Variants in KIAA1549L observed in about 807,000 individuals in gnomAD.
The protein encoded by KIAA1549L is UPF0606 protein KIAA1549L.
In KIAA1549L, 88 loss-of-function variants were observed where a neutral mutation model predicts 160.7. That is an observed-to-expected ratio of 0.55 (90% confidence interval 0.46 to 0.65). KIAA1549L has a LOEUF of 0.65. Among genes scored for constraint, KIAA1549L ranks in the 30% least tolerant of loss-of-function variants. The probability of loss-of-function intolerance (pLI) is 0.00; values close to 1 mark genes in which losing one functional copy is unlikely to be tolerated. For missense variants in KIAA1549L, 2,258 were observed against 2,437.5 expected, an observed-to-expected ratio of 0.93 and a Z score of 1.55; for synonymous variants, 950 against 976.7, an observed-to-expected ratio of 0.97 and a Z score of 0.51.
intron 11 of KIAA1549L, among the ~76,000 whole-genome samples, chr11:33,584,976 T>A (rs577345286): frequency 6.6e-6 from 1 of 152,314 alleles, no homozygotes; most frequent in South Asian, 2.1e-4. Context: ...ACGCATGCCT[T>A]AGTTCTTTCT....
intron 16 of KIAA1549L, among the ~76,000 whole-genome samples, chr11:33,639,948 A>C (rs1330150623): frequency 6.6e-6 from 1 of 152,198 alleles, no homozygotes; most frequent in Non-Finnish European, 1.5e-5. Context: ...GGTAGCCTAA[A>C]AACTCCATTT....
chr11:33,664,715 C>T (rs942651219), intron 20 of KIAA1549L, among the ~76,000 whole-genome samples: 1 of 152,172 alleles, frequency 6.6e-6, no homozygotes, highest in African/African-American at 2.4e-5. Context: ...GGGCCCTCAC[C>T]AGATAGATAC....
intron 1 of KIAA1549L, among the ~76,000 whole-genome samples, chr11:33,521,597 A>G (rs149779271): frequency 1.1e-4 from 16 of 152,356 alleles, no homozygotes; most frequent in Middle Eastern, 3.4e-3. Flanking sequence ...TCATGTATAC[A>G]GTAAATACTT....
intron 1 of KIAA1549L, among the ~76,000 whole-genome samples, chr11:33,501,776 C>T (rs1467976092): frequency 6.6e-6 from 1 of 151,988 alleles, no homozygotes; most frequent in Non-Finnish European, 1.5e-5. Flanking sequence ...AGTATCTTAC[C>T]TTTATTGACT....
intron 9 of KIAA1549L, among the ~76,000 whole-genome samples, chr11:33,571,862 G>A (rs1015135996): frequency 1.3e-5 from 2 of 152,168 alleles, no homozygotes; most frequent in Admixed American, 1.3e-4. Flanking sequence ...GGGCAAGGCT[G>A]CATCCTAAAG....
At chr11:33,571,495 G>C (rs891826586) in intron 9 of KIAA1549L, among the ~76,000 whole-genome samples, 2 of 152,154 alleles carry the variant, frequency 1.3e-5, no homozygotes, top group African/African-American at 4.8e-5. Context: ...TCTGCAGGCT[G>C]TACAGGAAGC....
intron 1 of KIAA1549L, among the ~76,000 whole-genome samples, chr11:33,541,278 A>G (rs1854014124): frequency 6.6e-6 from 1 of 152,242 alleles, no homozygotes. Context: ...CATGAATGAT[A>G]GCACCTGGAA....
chr11:33,580,871 G>A (rs1855618314), intron 10 of KIAA1549L, among the ~76,000 whole-genome samples: 1 of 152,176 alleles, frequency 6.6e-6, no homozygotes, highest in Non-Finnish European at 1.5e-5. Context: ...GAAGGGCTAG[G>A]GCATGTTGAG....
intron 4 of KIAA1549L, 144 bp from the exon 5 acceptor site, chr11:33,550,896 T>C (rs1854437285): frequency 2.8e-6 from 2 of 709,928 alleles, no homozygotes; most frequent in South Asian, 1.7e-5. Context: ...CTATGCTTTA[T>C]AGAATTGTTA....
At chr11:33,609,013 T>C (rs1850579144) in intron 14 of KIAA1549L, among the ~76,000 whole-genome samples, 1 of 152,246 alleles carries the variant, frequency 6.6e-6, no homozygotes, top group Non-Finnish European at 1.5e-5. Context: ...AACGTTGGTG[T>C]GACATTCTCA....
intron 16 of KIAA1549L, among the ~76,000 whole-genome samples, chr11:33,645,169 C>T (rs562722307): frequency 1.3e-5 from 2 of 152,290 alleles, no homozygotes; most frequent in African/African-American, 4.8e-5. Context: ...TTGCGTACCA[C>T]GCTTTAAGAG....
chr11:33,470,043 T>C (rs559813109), intron 1 of KIAA1549L, among the ~76,000 whole-genome samples: 101 of 152,340 alleles, frequency 6.6e-4, no homozygotes, highest in African/African-American at 2.3e-3. Flanking sequence ...TATTTTTTTT[T>C]CTTTTGTTGC....
chr11:33,614,551 TATATATATATATATATATATATA>T lies in KIAA1549L; in HGVS notation c.5280-3981_5280-3959del, dbSNP rs1850738488. Reference sequence around the variant, plus strand: ...AACAAGATATATATATATATATATATATATATATATATATATATATATATATATATATATTTTTTTTTTTTTTT... The same window carrying T: ...AACAAGATATATATATATATATATATTATATATATATTTTTTTTTTTTTTT... On this transcript the variant is annotated intron_variant, in intron 15 of 20. Transcript: ENST00000658780. Among the ~76,000 whole-genome samples the T allele has an allele frequency of 4.4e-4, 6 of 13,702 alleles. 1 individual carries two copies. The highest frequency in any genetic ancestry group is 2.0e-3 in the African/African-American group (6 of 2,928). The allele number at this position is 13,702 out of a possible 152,430, so 9.0% of individuals were successfully genotyped here.
Position 33,559,776 on chromosome 11 carries a change from G to T in KIAA1549L, c.3883G>T (p.Ala1295Ser), listed in dbSNP as rs751160839. The T allele has an allele frequency of 6.2e-7, 1 of 1,613,900 alleles. No individual in the cohort carries two copies. The highest frequency in any genetic ancestry group is 8.5e-7 in the Non-Finnish European group (1 of 1,179,864). Residue 1295 changes from alanine (A) to serine (S), a missense_variant, in exon 7 of 21, where the codon GCA becomes TCA. This residue lies in a region of KIAA1549L where 1,359 missense variants were observed against 1,546.6 expected (regional missense o/e 0.88). Coordinates refer to ENST00000658780, the MANE Select transcript of KIAA1549L (RefSeq NM_012194.3). ...TGTGAGCACGTCCAATGCCTCCCAG[G>T]CAGTCACCTTGGTGTACGTCGTGGG... is the stretch of plus-strand genomic sequence containing the variant. The part of the protein sequence containing the change: ...QIVSTSNASQ[A>S]VTLVYVVGNQ...
intron 6 of KIAA1549L, 109 bp from the exon 7 acceptor site, chr11:33,559,640 C>G (rs770007990): frequency 4.9e-6 from 4 of 818,148 alleles, no homozygotes; most frequent in Non-Finnish European, 6.0e-6. Context: ...GACCCCCTTT[C>G]ATTCCTTCCC....
chr11:33,582,568 C>G (rs568839754), intron 10 of KIAA1549L, among the ~76,000 whole-genome samples: 2 of 152,328 alleles, frequency 1.3e-5, no homozygotes, highest in African/African-American at 4.8e-5. Context: ...ATACTTTTTC[C>G]TGTCTCAAGT....
intron 1 of KIAA1549L, among the ~76,000 whole-genome samples, chr11:33,460,445 A>G (rs576286258): frequency 6.6e-6 from 1 of 152,322 alleles, no homozygotes; most frequent in African/African-American, 2.4e-5. Context: ...GGTGGGACCC[A>G]TATGGGCGTG....
chr11:33,477,544 A>G (rs939339798), intron 1 of KIAA1549L, among the ~76,000 whole-genome samples: 2 of 139,818 alleles, frequency 1.4e-5, no homozygotes, highest in African/African-American at 6.0e-5. Flanking sequence ...CACACACACG[A>G]CACTACCCCC....
chr11:33,574,930 A>G (rs1855396461), intron 10 of KIAA1549L, 57 bp downstream of exon 10: 4 of 1,449,116 alleles, frequency 2.8e-6, no homozygotes, highest in South Asian at 1.2e-5. Context: ...TTTCCTGAAA[A>G]TCAAAATGAT....
Sources: allele counts gnomAD v4.1 joint callset (sites outside exome capture counted in the v4.1 genomes callset), GRCh38; gene constraint gnomAD v4.1.1; regional missense constraint gnomAD v4.1.1; transcripts MANE v1.5; gene names NCBI Gene and HGNC (gene_info 2026-07-23, HGNC 2026-07-21).